BCAS3: variants seen among roughly 807,000 people sequenced by gnomAD.
BCAS3 encodes BCAS3 microtubule associated cell migration factor.
BCAS3 carries 53 observed loss-of-function variants against 116.1 expected under a neutral mutation model. That is an observed-to-expected ratio of 0.46 (90% CI 0.37 to 0.57). The LOEUF (loss-of-function observed/expected upper bound fraction) is 0.57, where lower values mean the gene tolerates loss of function less well. BCAS3 is among the 20% of genes least tolerant of loss of function. BCAS3 has a pLI of 0.00. For synonymous variants in BCAS3, 391 were observed against 408.2 expected (o/e 0.96, Z 0.51); for missense variants, 917 against 1,165.4 (o/e 0.79, Z 3.10).
chr17:60,830,257 G>A (rs1391876520), intron 7 of BCAS3, among the ~76,000 whole-genome samples: 1 of 152,176 alleles, frequency 6.6e-6, no homozygotes, highest in African/African-American at 2.4e-5. Flanking sequence ...CCAAAGTCCT[G>A]GGATTATAGG....
Position 61,186,799 on chromosome 17 carries a change from C to T in BCAS3, c.2425+102235C>T, listed in dbSNP as rs2079804053. 6.6e-6 allele frequency among the ~76,000 whole-genome samples: 1 copy of T among 152,090 alleles called. No homozygotes were observed. Among genetic ancestry groups the T allele is most frequent in the Non-Finnish European group, 1.5e-5 (1 of 68,012 alleles). ...GATCTCAGCTTACTGCAAGCTCCAC[C>T]TCCTGGGTTCACGCCATTCTCTTGC... On this transcript the variant is annotated intron_variant, in intron 22 of 23. Transcript: ENST00000407086. The surrounding 1 kb of genome is among the most constrained non-coding windows in gnomAD (Gnocchi z 4.9).
intron 13 of BCAS3, among the ~76,000 whole-genome samples, chr17:60,931,849 G>T (rs2059662560): frequency 6.6e-6 from 1 of 152,126 alleles, no homozygotes; most frequent in Admixed American, 6.5e-5. Context: ...AAGGCAGGTG[G>T]ATAGCTTGAG....
intron 16 of BCAS3, among the ~76,000 whole-genome samples, chr17:61,018,290 G>GTTTTTTTTT (rs10570881): frequency 1.2e-5 from 1 of 83,066 alleles, no homozygotes; most frequent in Admixed American, 1.3e-4. Flanking sequence ...AAATTCCCCA[G>GTTTTTTTTT]TTTTTTTTTT....
In BCAS3 at chr17:61,200,605, G is replaced by A. The variant is rs895445834; in HGVS notation, c.2425+116041G>A. On this transcript the variant is annotated intron_variant, in intron 22 of 23. Transcript: ENST00000407086. The surrounding 1 kb of genome is among the most constrained non-coding windows in gnomAD (Gnocchi z 5.1). Reference sequence around the variant, plus strand: ...ACTGAAGAGGCATTAGGACTAGAGCGTATTTCTTTTGATTATCAATGCGGG... The same window carrying A: ...ACTGAAGAGGCATTAGGACTAGAGCATATTTCTTTTGATTATCAATGCGGG... Among the ~76,000 whole-genome samples, 14 of 152,146 alleles carry A rather than the reference G, an allele frequency of 9.2e-5. No individual in the cohort carries two copies. The highest frequency in any genetic ancestry group is 1.6e-4 in the Non-Finnish European group (11 of 68,020).
At chr17:61,167,530 C>A (rs2144097461) in intron 22 of BCAS3, among the ~76,000 whole-genome samples, 1 of 152,294 alleles carries the variant, frequency 6.6e-6, no homozygotes, top group East Asian at 1.9e-4. Context: ...GCTTCTGACA[C>A]AATCTAGCAG....
chr17:61,011,177 AG>A (rs1226333110), intron 15 of BCAS3, among the ~76,000 whole-genome samples: 1 of 152,090 alleles, frequency 6.6e-6, no homozygotes, highest in Non-Finnish European at 1.5e-5. Flanking sequence ...TAGTAAAGAA[AG>A]GTTAGTGAAG....
chr17:61,305,538 G>A (rs2053782511), intron 22 of BCAS3, among the ~76,000 whole-genome samples: 1 of 152,214 alleles, frequency 6.6e-6, no homozygotes, highest in East Asian at 1.9e-4. Context: ...TTGTGGTAAG[G>A]ATTAAATGAG....
intron 22 of BCAS3, among the ~76,000 whole-genome samples, chr17:61,123,371 T>C (rs2075886856): frequency 6.6e-6 from 1 of 152,168 alleles, no homozygotes; most frequent in African/African-American, 2.4e-5. Flanking sequence ...GACACACCTC[T>C]CAATAGTTTT....
chr17:60,830,338 CTG>C (rs1249117586), intron 7 of BCAS3, among the ~76,000 whole-genome samples: 3 of 152,096 alleles, frequency 2.0e-5, no homozygotes, highest in African/African-American at 7.2e-5. Flanking sequence ...GTAAAACTAA[CTG>C]TAACAGTATA....
intron 10 of BCAS3, among the ~76,000 whole-genome samples, chr17:60,890,227 G>A (rs1004736879): frequency 6.6e-6 from 1 of 152,334 alleles, no homozygotes; most frequent in South Asian, 2.1e-4. Context: ...GCTGAGGCAG[G>A]TGGATCATTT....
At chr17:60,868,549 C>T (rs754342410) in intron 7 of BCAS3, 27 bp from the exon 8 acceptor site, 10 of 1,422,388 alleles carry the variant, frequency 7.0e-6, no homozygotes, top group Non-Finnish European at 9.5e-6. Flanking sequence ...AAAAAAATGA[C>T]ATTTTTCTTT....
chr17:61,278,755 T>C lies in BCAS3; in HGVS notation c.2426-89572T>C, dbSNP rs994553404. Among the ~76,000 whole-genome samples the C allele has an allele frequency of 9.2e-5, 14 of 152,186 alleles. No homozygotes were observed. The highest frequency in any genetic ancestry group is 3.4e-4 in the African/African-American group (14 of 41,436). On this transcript the variant is annotated intron_variant, in intron 22 of 23. Transcript: ENST00000407086. The surrounding 1 kb of genome is among the most constrained non-coding windows in gnomAD (Gnocchi z 5.8). ...CCAGTATGGTTCCACTTATATGACA[T>C]GTCCAGAATAGGAAAATCTATAGAG...
intron 7 of BCAS3, among the ~76,000 whole-genome samples, chr17:60,808,952 A>G (rs974903434): frequency 6.6e-6 from 1 of 152,116 alleles, no homozygotes; most frequent in Non-Finnish European, 1.5e-5. Context: ...ATAATATAGT[A>G]GTGGAAGAGA....
rs2067160047 is a variant in BCAS3, at chr17:61,037,816, T to C, written c.1763-73T>C. On this transcript the variant is annotated intron_variant, in intron 17 of 23. Transcript: ENST00000407086. This position sits in a 1 kb window ranked among gnomAD's most constrained non-coding sequence, Gnocchi z 4.7. Reference sequence around the variant, plus strand: ...CCTCAGGAGCAGACTAATAAGATCATTAACTTGTAAAAATTATTCTGTGCT... The same window carrying C: ...CCTCAGGAGCAGACTAATAAGATCACTAACTTGTAAAAATTATTCTGTGCT... 1 of 1,373,022 alleles carries C rather than the reference T, an allele frequency of 7.3e-7. No individual in the cohort carries two copies. The highest frequency in any genetic ancestry group is 1.0e-6 in the Non-Finnish European group (1 of 995,760). 85.1% of individuals were successfully genotyped at this position (1,373,022 alleles called of 1,614,324 possible).
intron 22 of BCAS3, among the ~76,000 whole-genome samples, chr17:61,150,462 C>A (rs1406912971): frequency 1.3e-5 from 2 of 152,170 alleles, no homozygotes; most frequent in African/African-American, 2.4e-5. Context: ...AAAGTAATAA[C>A]CACCACCCAC....
rs1244048626 is a variant in BCAS3, at chr17:60,791,856, G to A, written c.404-16148G>A. Among the ~76,000 whole-genome samples, 4 of 152,262 alleles carry A rather than the reference G, an allele frequency of 2.6e-5. No individual in the cohort carries two copies. The East Asian group carries it at 7.7e-4, about 29-fold the overall frequency. On this transcript the variant is annotated intron_variant, in intron 6 of 23. Transcript: ENST00000407086. ...AATATGATCCCTGGCTGGGCGCAGTGGCTCACGCTTGTAATCCCAGCACTT... is the reference window on the plus strand; with the variant it reads ...AATATGATCCCTGGCTGGGCGCAGTAGCTCACGCTTGTAATCCCAGCACTT...
chr17:61,072,603 C>T (rs1366645046), intron 19 of BCAS3, among the ~76,000 whole-genome samples: 4 of 150,060 alleles, frequency 2.7e-5, no homozygotes, highest in East Asian at 3.9e-4. Context: ...TAGCTAGTTA[C>T]GTAAGGCATG....
At chr17:60,947,484 TTAGA>T (rs1464782101) in intron 14 of BCAS3, 132 bp downstream of exon 14, 3 of 1,021,462 alleles carry the variant, frequency 2.9e-6, no homozygotes, top group Middle Eastern at 2.5e-4. Flanking sequence ...ATAGAATGGG[TTAGA>T]TAAATAGGGA....
chr17:61,040,380 CTG>C (rs2067408031), intron 18 of BCAS3, among the ~76,000 whole-genome samples: 1 of 152,168 alleles, frequency 6.6e-6, no homozygotes, highest in Non-Finnish European at 1.5e-5. Context: ...ATTTACACAG[CTG>C]TGTTTTATTA....
Sources: gnomAD v4.1 joint callset for allele counts (sites outside exome capture counted in the v4.1 genomes callset) on GRCh38, gnomAD v4.1.1 for gene constraint, Gnocchi (gnomAD v3.1) non-coding constraint, MANE v1.5 for transcripts, NCBI Gene and HGNC (gene_info 2026-07-23, HGNC 2026-07-21) for gene names.